The following CCDC138 variants were observed in gnomAD, a reference collection of about 807,000 sequenced individuals.
CCDC138 encodes coiled-coil domain containing 138.
A neutral mutation model predicts 82.3 loss-of-function variants in CCDC138; 66 were observed. The observed-to-expected ratio is 0.80, with a 90% CI of 0.66 to 0.98. The LOEUF (loss-of-function observed/expected upper bound fraction) is 0.98. Among genes scored for constraint, CCDC138 ranks in the 50% least tolerant of loss-of-function variants. The pLI is 0.00. For missense variants in CCDC138, 816 were observed against 758.9 expected, an observed-to-expected ratio of 1.08 and a Z score of -0.88; for synonymous variants, 297 against 265.4, an observed-to-expected ratio of 1.12 and a Z score of -1.16.
At chr2:108,790,799 G>A (rs150639490) in intron 3 of CCDC138, among the ~76,000 whole-genome samples, 153 of 152,312 alleles carry the variant, frequency 1.0e-3, no homozygotes, top group Non-Finnish European at 2.0e-3. Flanking sequence ...TGCCCAGGCT[G>A]TGAGTGCAGT....
chr2:108,793,635 C>T (rs1680326042), intron 4 of CCDC138, among the ~76,000 whole-genome samples: 1 of 150,428 alleles, frequency 6.6e-6, no homozygotes, highest in Admixed American at 6.6e-5. Context: ...CTCGCTCTGT[C>T]GCCCAGGCTG....
At chr2:108,791,510 TGTTA>T (rs1319202811) in intron 3 of CCDC138, 161 bp from the exon 4 acceptor site, 2 of 734,290 alleles carry the variant, frequency 2.7e-6, no homozygotes, top group Non-Finnish European at 2.4e-6. Flanking sequence ...GATCAGTGAC[TGTTA>T]GTTTTTACGT....
In CCDC138 at chr2:108,873,568, T is replaced by C; in HGVS notation, c.1811T>C (p.Leu604Ser). The C allele has an allele frequency of 1.2e-6, 2 of 1,607,124 alleles. No homozygotes were observed. Among genetic ancestry groups the C allele is most frequent in the Non-Finnish European group, 1.7e-6 (2 of 1,176,470 alleles). Residue 604 changes from leucine (L) to serine (S), a missense_variant, in exon 14 of 15, where the codon TTA becomes TCA. By Grantham distance (145) the Leu-to-Ser change is moderately radical (BLOSUM62 -2). Transcript: ENST00000295124. Reference sequence around the variant, plus strand: ...ATACTAGAAAAACTCAGTATTATTTTACAGAAACTTTCCAAAATCAAGTAA... The same window carrying C: ...ATACTAGAAAAACTCAGTATTATTTCACAGAAACTTTCCAAAATCAAGTAA... Reference protein sequence around the residue: ...LQILEKLSIILQKLSKIKSNK... With the variant: ...LQILEKLSIISQKLSKIKSNK...
chr2:108,851,061 A>C (rs987129579), intron 12 of CCDC138, among the ~76,000 whole-genome samples: 1 of 152,128 alleles, frequency 6.6e-6, no homozygotes, highest in African/African-American at 2.4e-5. Context: ...GGGTTCCTAC[A>C]ACCCCCTCTT....
Position 108,798,467 on chromosome 2 carries a change from C to T in CCDC138, c.616C>T (p.Gln206Ter). The stretch of plus-strand genomic sequence containing the variant: ...ACAACAGAAATTTGCTGAAGAACTT[C>T]AAAAGCGAGAACGTTTTTTACTTGA... ...AAQQKFAEEL[Q>*]KRERFLLERE... Residue 206 changes from glutamine to a stop codon, truncating the protein, a stop_gained, in exon 6 of 15, where the codon CAA (glutamine) becomes TAA (stop). Coordinates refer to ENST00000295124, the MANE Select transcript of CCDC138 (RefSeq NM_144978.3). LOFTEE classifies it high-confidence loss of function. 1 of 1,613,720 alleles carries T rather than the reference C, an allele frequency of 6.2e-7. No individual in the cohort carries two copies. The highest frequency in any genetic ancestry group is 1.3e-5 in the African/African-American group (1 of 75,004).
At chr2:108,862,716 A>G (rs1461906095) in intron 13 of CCDC138, among the ~76,000 whole-genome samples, 4 of 152,198 alleles carry the variant, frequency 2.6e-5, no homozygotes, top group Admixed American at 2.0e-4. Flanking sequence ...TCCCAGAAAA[A>G]TATATCTTTG....
chr2:108,864,214 A>G (rs1694059931), intron 13 of CCDC138, among the ~76,000 whole-genome samples: 1 of 152,220 alleles, frequency 6.6e-6, no homozygotes, highest in Admixed American at 6.5e-5. Context: ...CTAACCCACC[A>G]ATTAGTGTGG....
chr2:108,874,625 C>T (rs1001949244), intron 14 of CCDC138, among the ~76,000 whole-genome samples: 4 of 152,100 alleles, frequency 2.6e-5, no homozygotes, highest in Non-Finnish European at 4.4e-5. Context: ...GTAGTAAATG[C>T]AATGCATCTT....
chr2:108,843,886 C>CTTTTTTTTTTTTTTTTTTTTTTTTTTTTT lies in CCDC138; in HGVS notation c.1324-2830_1324-2829insTTTTTTTTTTTTTTTTTTTTTTTTTTTTT, dbSNP rs57196170. 4.3e-5 allele frequency among the ~76,000 whole-genome samples: 4 copies of CTTTTTTTTTTTTTTTTTTTTTTTTTTTTT among 94,018 alleles called. 2 individuals carry two copies. The highest frequency in any genetic ancestry group is 3.8e-5 in the Non-Finnish European group (2 of 52,896). The allele number at this position is 94,018 out of a possible 152,430, so 61.7% of individuals were successfully genotyped here. A position where few individuals can be genotyped will look rare whatever the true frequency, so the allele number is the denominator to read the frequency against. ...TGTGTGTGTGTGTGTGTGTTTCTTT[C>CTTTTTTTTTTTTTTTTTTTTTTTTTTTTT]TTTTTTTTTTTTTTTTTTTTTTGAG... On this transcript the variant is annotated intron_variant, in intron 11 of 14. Coordinates refer to ENST00000295124, the MANE Select transcript of CCDC138 (RefSeq NM_144978.3).
At chr2:108,795,123 C>T (rs1396173494) in intron 5 of CCDC138, among the ~76,000 whole-genome samples, 1 of 142,028 alleles carries the variant, frequency 7.0e-6, no homozygotes, top group Non-Finnish European at 1.5e-5. Flanking sequence ...TATTATCTGC[C>T]TTTCGGGTTT....
intron 9 of CCDC138, among the ~76,000 whole-genome samples, chr2:108,815,326 G>A (rs543857199): frequency 2.2e-4 from 33 of 151,756 alleles, no homozygotes; most frequent in Non-Finnish European, 3.8e-4. Context: ...TATCAAACTT[G>A]GATAAAGAAT....
At chr2:108,872,579 C>T (rs1323603767) in intron 13 of CCDC138, among the ~76,000 whole-genome samples, 1 of 152,072 alleles carries the variant, frequency 6.6e-6, no homozygotes, top group Non-Finnish European at 1.5e-5. Flanking sequence ...GGCGTATATT[C>T]TAGAGGCTGG....
intron 4 of CCDC138, among the ~76,000 whole-genome samples, chr2:108,792,682 C>T (rs1268831700): frequency 5.3e-5 from 8 of 152,140 alleles, no homozygotes; most frequent in Non-Finnish European, 1.0e-4. Context: ...TTTACTTCTC[C>T]GTTGTCTGTT....
chr2:108,812,728 C>G lies in CCDC138; in HGVS notation c.933+20C>G. ...TTACAGGTAAGTTGCCTGTTCTTCTCTACAGACAGAAGTATGTTTTTAGAT... is the reference window on the plus strand; with the variant it reads ...TTACAGGTAAGTTGCCTGTTCTTCTGTACAGACAGAAGTATGTTTTTAGAT... On this transcript the variant is annotated intron_variant, in intron 8 of 14. Coordinates refer to ENST00000295124, the MANE Select transcript of CCDC138 (RefSeq NM_144978.3). The G allele has an allele frequency of 1.2e-6, 2 of 1,605,152 alleles. No individual in the cohort carries two copies. The highest frequency in any genetic ancestry group is 1.7e-6 in the Non-Finnish European group (2 of 1,172,504).
intron 6 of CCDC138, among the ~76,000 whole-genome samples, chr2:108,800,462 A>G (rs930146067): frequency 6.6e-6 from 1 of 151,768 alleles, no homozygotes; most frequent in Non-Finnish European, 1.5e-5. Context: ...ACGGGGTTTC[A>G]CCATGTTGGT....
Position 108,858,073 on chromosome 2 carries a change from G to A in CCDC138, c.1693+1103G>A, listed in dbSNP as rs1438725778. 2.0e-5 allele frequency among the ~76,000 whole-genome samples: 3 copies of A among 152,236 alleles called. No individual in the cohort carries two copies. In the East Asian group the frequency reaches 5.8e-4, roughly 29 times the overall value. On this transcript the variant is annotated intron_variant, in intron 13 of 14. Transcript: ENST00000295124. ...TTACTCTCAAATTCAGCCAGGTGCA[G>A]TGGCTCATGCCTGTAATCCCAGCAC...
chr2:108,843,900 T>C (rs1689997324), intron 11 of CCDC138, among the ~76,000 whole-genome samples: 3 of 142,314 alleles, frequency 2.1e-5, no homozygotes. Flanking sequence ...TTTTTTTTTT[T>C]TTTTTTTTGA....
downstream of CCDC138, among the ~76,000 whole-genome samples, chr2:108,880,678 G>A (rs1696266653): frequency 6.6e-6 from 1 of 152,202 alleles, no homozygotes; most frequent in Admixed American, 6.5e-5. Flanking sequence ...ACAAAGCCTG[G>A]ATGACAGCAC....
chr2:108,819,844 C>T (rs1293941189), intron 10 of CCDC138, among the ~76,000 whole-genome samples: 1 of 144,208 alleles, frequency 6.9e-6, no homozygotes, highest in Admixed American at 7.4e-5. Context: ...TTCAGAAACT[C>T]ACCCTAAAGA....
Sources: gnomAD v4.1 joint callset for allele counts (sites outside exome capture counted in the v4.1 genomes callset) on GRCh38, gnomAD v4.1.1 for gene constraint, MANE v1.5 for transcripts, NCBI Gene and HGNC (gene_info 2026-07-23, HGNC 2026-07-21) for gene names.